The following CXXC4 variants were observed in gnomAD, a reference collection of about 807,000 sequenced individuals.
The protein encoded by CXXC4 is CXXC finger protein 4.
A neutral mutation model predicts 20.5 loss-of-function variants in CXXC4; 5 were observed. The observed-to-expected ratio is 0.24, with a 90% CI of 0.13 to 0.51. CXXC4 has a LOEUF of 0.51. CXXC4 is among the 20% of genes least tolerant of loss of function. The probability of loss-of-function intolerance (pLI) is 0.97; values close to 1 mark genes in which losing one functional copy is unlikely to be tolerated. For synonymous variants in CXXC4, 250 were observed against 216.4 expected (o/e 1.16, Z -1.36); for missense variants, 419 against 496.4 (o/e 0.84, Z 1.48).
In CXXC4 at chr4:104,468,392, A is replaced by AC. The variant is rs1419078252; in HGVS notation, c.*3929dup. On this transcript the variant is annotated 3_prime_UTR_variant, in exon 3 of 3. Coordinates refer to ENST00000394767, the MANE Select transcript of CXXC4 (RefSeq NM_025212.4). ...GGGCAAATTGAATGTGATTTTTTTT[A>AC]CTTTTTTTTTTTTTTTACAGTTTTG... The AC allele has an allele frequency of 1.8e-3, 159 of 87,854 alleles. 1 individual carries two copies. Among genetic ancestry groups the AC allele is most frequent in the African/African-American group, 9.9e-3 (153 of 15,518 alleles). The allele number at this position is 87,854 out of a possible 1,614,324, so 5.4% of individuals were successfully genotyped here.
intron 2 of CXXC4, among the ~76,000 whole-genome samples, chr4:104,489,522 T>C (rs2110278815): frequency 6.6e-6 from 1 of 152,326 alleles, no homozygotes; most frequent in East Asian, 1.9e-4. Flanking sequence ...ACTCTCATCC[T>C]GCAACTCACT....
At chr4:104,476,918 C>A (rs1736422910) in intron 2 of CXXC4, among the ~76,000 whole-genome samples, 1 of 152,110 alleles carries the variant, frequency 6.6e-6, no homozygotes, top group African/African-American at 2.4e-5. Flanking sequence ...TCTTCCCAAC[C>A]AAACTTAAGG....
In CXXC4 at chr4:104,491,566, CGCG is replaced by C. The variant is rs765810663; in HGVS notation, c.234_236del (p.Ala82del). The stretch of plus-strand genomic sequence containing the variant: ...GGGACATGCCGATGCGCGCGGCGGC[CGCG>C]GCGGCGGCGGCGCTGCTGGGGAAGA... On this transcript the variant is annotated inframe_deletion, in exon 2 of 3. Coordinates refer to ENST00000394767, the MANE Select transcript of CXXC4 (RefSeq NM_025212.4). The C allele has an allele frequency of 1.1e-4, 170 of 1,505,588 alleles. No homozygotes were observed. The highest frequency in any genetic ancestry group is 5.1e-4 in the East Asian group (19 of 37,042). 93.3% of individuals were successfully genotyped at this position (1,505,588 alleles called of 1,614,324 possible). A position where few individuals can be genotyped will look rare whatever the true frequency, so the allele number is the denominator to read the frequency against.
rs768482636 is a variant in CXXC4, at chr4:104,491,382, C to A, written c.421G>T (p.Ala141Ser). The change falls in exon 2 of 3, where the codon GCC (alanine) becomes TCC (serine). Residue 141 changes from alanine to serine, a missense_variant. This residue lies in a region of CXXC4 where 388 missense variants were observed against 416.0 expected (regional missense o/e 0.93). Coordinates refer to ENST00000394767, the MANE Select transcript of CXXC4 (RefSeq NM_025212.4). ...GGGGRKSSSA[A>S]ASSSASSSSA... is the part of the protein sequence containing the mutation. ...GAGGAGGAGGCGGAGGAGGAGGCGGCGGCGGAGGAGGATTTCCTGCCGCCC... is the reference window on the plus strand; with the variant it reads ...GAGGAGGAGGCGGAGGAGGAGGCGGAGGCGGAGGAGGATTTCCTGCCGCCC... The A allele has an allele frequency of 2.2e-6, 3 of 1,341,044 alleles. No homozygotes were observed. The highest frequency in any genetic ancestry group is 2.8e-5 in the East Asian group (1 of 35,698). The allele number at this position is 1,341,044 out of a possible 1,614,324, so 83.1% of individuals were successfully genotyped here.
intron 2 of CXXC4, among the ~76,000 whole-genome samples, chr4:104,485,270 C>T (rs1736657421): frequency 1.3e-5 from 2 of 151,896 alleles, no homozygotes; most frequent in African/African-American, 4.8e-5. Context: ...ATGAGAGAAA[C>T]TATAAAAGAA....
intron 2 of CXXC4, among the ~76,000 whole-genome samples, chr4:104,488,454 T>C (rs182472754): frequency 7.2e-4 from 109 of 152,346 alleles, no homozygotes; most frequent in African/African-American, 2.6e-3. Flanking sequence ...TAGGATCTTA[T>C]ACAATTTTGA....
intron 2 of CXXC4, among the ~76,000 whole-genome samples, chr4:104,485,534 A>T (rs946702735): frequency 3.9e-5 from 6 of 152,138 alleles, no homozygotes; most frequent in African/African-American, 1.4e-4. Context: ...TGACCAGTTG[A>T]GGTCCAGCAG....
rs547628940 is a variant in CXXC4, at chr4:104,472,202, A to G, written c.*120T>C. 11 of 489,118 alleles carry G rather than the reference A, an allele frequency of 2.2e-5. No individual in the cohort carries two copies. The African/African-American group carries it at 2.5e-4, about 11-fold the overall frequency. 30.3% of individuals were successfully genotyped at this position (489,118 alleles called of 1,614,324 possible). A position where few individuals can be genotyped will look rare whatever the true frequency, so the allele number is the denominator to read the frequency against. On this transcript the variant is annotated 3_prime_UTR_variant, in exon 3 of 3. Coordinates refer to ENST00000394767, the MANE Select transcript of CXXC4 (RefSeq NM_025212.4). ...TTTTTTTTTTTGAAGAAAGCCCTAT[A>G]CATAAAATGAAAATAATTTCTGGAT...
chr4:104,469,749 T>C lies in CXXC4; in HGVS notation c.*2573A>G, dbSNP rs1210932873. ...TTAACCAAAAACATTAAAAAGTGGG[T>C]GGTATAAAAGAACAATATCAAGAAT... On this transcript the variant is annotated 3_prime_UTR_variant, in exon 3 of 3. Coordinates refer to ENST00000394767, the MANE Select transcript of CXXC4 (RefSeq NM_025212.4). 2.0e-5 allele frequency: 3 copies of C among 151,740 alleles called. No individual in the cohort carries two copies. Among genetic ancestry groups the C allele is most frequent in the East Asian group, 3.9e-4 (2 of 5,178 alleles). 9.4% of individuals were successfully genotyped at this position (151,740 alleles called of 1,614,324 possible). A position where few individuals can be genotyped will look rare whatever the true frequency, so the allele number is the denominator to read the frequency against.
At chr4:104,481,787 A>G (rs1217622611) in intron 2 of CXXC4, among the ~76,000 whole-genome samples, 1 of 152,204 alleles carries the variant, frequency 6.6e-6, no homozygotes, top group Admixed American at 6.5e-5. Context: ...AATTGAATTT[A>G]TCAAGGGTTT....
chr4:104,482,932 C>G (rs893570559), intron 2 of CXXC4, among the ~76,000 whole-genome samples: 2 of 152,006 alleles, frequency 1.3e-5, no homozygotes, highest in Admixed American at 6.6e-5. Context: ...AGAAGCAGCA[C>G]TTTCAGCACC....
At chr4:104,475,631 A>G (rs2110270846) in intron 2 of CXXC4, among the ~76,000 whole-genome samples, 1 of 152,266 alleles carries the variant, frequency 6.6e-6, no homozygotes, top group African/African-American at 2.4e-5. Context: ...CCTTGTAAGA[A>G]GACTTCTTTT....
intron 2 of CXXC4, among the ~76,000 whole-genome samples, chr4:104,480,724 CA>C (rs1425528433): frequency 6.6e-6 from 1 of 151,988 alleles, no homozygotes; most frequent in Non-Finnish European, 1.5e-5. Context: ...TTATTGAAAC[CA>C]GATCAAGATG....
At position 104,492,009 on chromosome 4, in the gene CXXC4, G is replaced by A. The variant is rs2110281394; in HGVS notation, c.-207C>T. The A allele has an allele frequency of 2.5e-6, 1 of 394,676 alleles. No individual in the cohort carries two copies. 24.4% of individuals were successfully genotyped at this position (394,676 alleles called of 1,614,324 possible). On this transcript the variant is annotated 5_prime_UTR_variant, in exon 2 of 3. Transcript: ENST00000394767. ...CTCTCTGGGGCTCATTTCCACAGAC[G>A]GTGAATTCCCAGGCAGCGTCTTCCT...
In CXXC4 at chr4:104,471,839, T is replaced by G. The variant is rs1354243806; in HGVS notation, c.*483A>C. ...CCAGATTTAACTTGCAGAACCATAC[T>G]GTTGTGTACAAACTGTTAATCTCCA... is the stretch of plus-strand genomic sequence containing the variant. On this transcript the variant is annotated 3_prime_UTR_variant, in exon 3 of 3. Transcript: ENST00000394767. The G allele has an allele frequency of 6.6e-6, 1 of 152,192 alleles. No individual in the cohort carries two copies. Among genetic ancestry groups the G allele is most frequent in the Non-Finnish European group, 1.5e-5 (1 of 68,060 alleles). 9.4% of individuals were successfully genotyped at this position (152,192 alleles called of 1,614,324 possible). A position where few individuals can be genotyped will look rare whatever the true frequency, so the allele number is the denominator to read the frequency against.
At chr4:104,494,009 C>G (rs1319190934) in intron 1 of CXXC4, among the ~76,000 whole-genome samples, 1 of 152,048 alleles carries the variant, frequency 6.6e-6, no homozygotes, top group African/African-American at 2.4e-5. Context: ...CAAACACAAG[C>G]TTTCCTTGCT....
chr4:104,487,499 A>G (rs1269972159), intron 2 of CXXC4, among the ~76,000 whole-genome samples: 1 of 152,220 alleles, frequency 6.6e-6, no homozygotes, highest in Non-Finnish European at 1.5e-5. Flanking sequence ...TGTTGTGAAT[A>G]TAAAAACTGA....
chr4:104,472,374 A>G lies in CXXC4; in HGVS notation c.1060-8T>C, dbSNP rs1439026165. On this transcript the variant is annotated splice_polypyrimidine_tract_variant and splice_region_variant and intron_variant, in intron 2 of 2. Coordinates refer to ENST00000394767, the MANE Select transcript of CXXC4 (RefSeq NM_025212.4). ...GCTGGGAACAGGTGTTCTCTATAAA[A>G]AAAGAGCAAGAAAACAAGTTAAGCT... The G allele has an allele frequency of 6.3e-7, 1 of 1,597,364 alleles. No homozygotes were observed. Among genetic ancestry groups the G allele is most frequent in the East Asian group, 2.2e-5 (1 of 44,512 alleles).
At chr4:104,493,694 C>T (rs1433144645) in intron 1 of CXXC4, among the ~76,000 whole-genome samples, 7 of 152,202 alleles carry the variant, frequency 4.6e-5, no homozygotes, top group Non-Finnish European at 7.3e-5. Context: ...AAAACTGCTG[C>T]CTTCTCAGGT....
Sources: gnomAD v4.1 joint callset for allele counts (sites outside exome capture counted in the v4.1 genomes callset) on GRCh38, gnomAD v4.1.1 for gene constraint, gnomAD v4.1.1 regional missense constraint, MANE v1.5 for transcripts, NCBI Gene and HGNC (gene_info 2026-07-23, HGNC 2026-07-21) for gene names.